KHDRBS3: variants seen among roughly 807,000 people sequenced by gnomAD.
KHDRBS3 encodes the protein KH RNA binding domain containing, signal transduction associated 3.
A neutral mutation model predicts 45.6 loss-of-function variants in KHDRBS3; 23 were observed. The ratio of observed to expected loss-of-function variants is 0.50; its 90% CI spans 0.36 to 0.72. The LOEUF (loss-of-function observed/expected upper bound fraction) is 0.72, where lower values mean the gene tolerates loss of function less well. Ranked by LOEUF, KHDRBS3 falls within the 30% of genes least tolerant of loss-of-function variation. The probability of loss-of-function intolerance (pLI) is 0.00; values close to 1 mark genes in which losing one functional copy is unlikely to be tolerated. For synonymous variants in KHDRBS3, 162 were observed against 156.5 expected, an observed-to-expected ratio of 1.04 and a Z score of -0.26; for missense variants, 352 against 424.8, an observed-to-expected ratio of 0.83 and a Z score of 1.51.
intron 1 of KHDRBS3, among the ~76,000 whole-genome samples, chr8:135,468,131 G>A (rs771554164): frequency 2.2e-4 from 34 of 151,998 alleles, no homozygotes; most frequent in Non-Finnish European, 2.8e-4. Context: ...TACTATCACC[G>A]TGTAAATTGA....
intron 1 of KHDRBS3, among the ~76,000 whole-genome samples, chr8:135,476,171 T>C (rs918502786): frequency 7.9e-5 from 12 of 152,054 alleles, no homozygotes; most frequent in Non-Finnish European, 1.6e-4. Flanking sequence ...TGAGATGGAG[T>C]CTTGCTCTGT....
At chr8:135,531,700 G>A (rs1218103450) in intron 2 of KHDRBS3, among the ~76,000 whole-genome samples, 1 of 152,128 alleles carries the variant, frequency 6.6e-6, no homozygotes, top group Non-Finnish European at 1.5e-5. Flanking sequence ...AATAATTATG[G>A]ATGAAATTAA....
At chr8:135,539,160 T>C (rs1180559971) in intron 2 of KHDRBS3, 1 of 152,244 alleles carries the variant, frequency 6.6e-6, no homozygotes, top group African/African-American at 2.4e-5. Flanking sequence ...ACATAGGCCT[T>C]TGCCCCTGAG....
intron 1 of KHDRBS3, among the ~76,000 whole-genome samples, chr8:135,496,025 A>T (rs562624680): frequency 7.3e-4 from 110 of 151,670 alleles, no homozygotes; most frequent in African/African-American, 2.5e-3. Context: ...CTAGGGAAGT[A>T]AAAGTAGACT....
In KHDRBS3 at chr8:135,518,915, ATTG is replaced by A. The variant is rs1824762979; in HGVS notation, c.89-2319_89-2317del. Among the ~76,000 whole-genome samples, 6 of 152,334 alleles carry A rather than the reference ATTG, an allele frequency of 3.9e-5. No homozygotes were observed. In the South Asian group the frequency reaches 1.2e-3, roughly 32 times the overall value. Reference sequence around the variant, plus strand: ...TTTATATCCTGTCATATTGTTTTAAATTGTTACCATGTTCATGTATTATTTTTA... The same window carrying A: ...TTTATATCCTGTCATATTGTTTTAAATTACCATGTTCATGTATTATTTTTA... On this transcript the variant is annotated intron_variant, in intron 1 of 8. Transcript: ENST00000355849.
chr8:135,549,988 A>G (rs1216739802), intron 4 of KHDRBS3: 1 of 152,192 alleles, frequency 6.6e-6, no homozygotes, highest in Non-Finnish European at 1.5e-5. Context: ...CAAAATTTCT[A>G]AGGGCTTACT....
At chr8:135,540,452 C>G (rs1336353138) in intron 2 of KHDRBS3, 1 of 152,178 alleles carries the variant, frequency 6.6e-6, no homozygotes, top group Admixed American at 6.5e-5. Flanking sequence ...AAGATGTTCT[C>G]ATCTTATAAA....
intron 2 of KHDRBS3, among the ~76,000 whole-genome samples, chr8:135,521,829 T>A (rs1343147555): frequency 6.6e-6 from 1 of 152,248 alleles, no homozygotes; most frequent in Non-Finnish European, 1.5e-5. Flanking sequence ...TGAATAATAA[T>A]CTGTTACCTG....
chr8:135,487,512 A>G (rs1822923353), intron 1 of KHDRBS3, among the ~76,000 whole-genome samples: 1 of 152,218 alleles, frequency 6.6e-6, no homozygotes, highest in Non-Finnish European at 1.5e-5. Flanking sequence ...AAATACATTA[A>G]GAGAATAAGG....
intron 5 of KHDRBS3, among the ~76,000 whole-genome samples, chr8:135,559,989 G>C (rs1359345774): frequency 6.6e-6 from 1 of 152,198 alleles, no homozygotes; most frequent in East Asian, 1.9e-4. Flanking sequence ...GCCAAGGCAA[G>C]AGGATTGTTT....
downstream of KHDRBS3, among the ~76,000 whole-genome samples, chr8:135,651,801 T>C (rs1831436815): frequency 1.3e-5 from 2 of 152,194 alleles, no homozygotes; most frequent in Non-Finnish European, 2.9e-5. Context: ...AAGTGAATGG[T>C]ATTGTCACTG....
chr8:135,538,653 A>T (rs1825894271), intron 2 of KHDRBS3: 1 of 152,226 alleles, frequency 6.6e-6, no homozygotes, highest in Non-Finnish European at 1.5e-5. Context: ...GTAAATGTGA[A>T]ACTGAAAACT....
intron 6 of KHDRBS3, among the ~76,000 whole-genome samples, chr8:135,606,745 T>C (rs1269062751): frequency 6.6e-6 from 1 of 152,232 alleles, no homozygotes; most frequent in Admixed American, 6.5e-5. Context: ...AAAATGGTGA[T>C]TCTGACCATT....
chr8:135,507,558 A>G (rs192896192), intron 1 of KHDRBS3, among the ~76,000 whole-genome samples: 2 of 152,242 alleles, frequency 1.3e-5, no homozygotes, highest in East Asian at 3.9e-4. Flanking sequence ...TTTTAACGAA[A>G]TCCCTACGTT....
At chr8:135,644,262 C>T (rs1028164199) in intron 7 of KHDRBS3, among the ~76,000 whole-genome samples, 3 of 152,188 alleles carry the variant, frequency 2.0e-5, no homozygotes, top group Non-Finnish European at 4.4e-5. Flanking sequence ...ACTCTTCCCT[C>T]TTGCTGTCAG....
intron 1 of KHDRBS3, chr8:135,459,042 C>G: frequency 2.3e-6 from 1 of 441,622 alleles, no homozygotes; most frequent in Non-Finnish European, 4.6e-6. Context: ...CTGGTCAGAT[C>G]TGTTACCTTT....
In KHDRBS3 at chr8:135,474,410, C is replaced by G. The variant is rs1586568173; in HGVS notation, c.88+16456C>G. Among the ~76,000 whole-genome samples the G allele has an allele frequency of 4.6e-5, 7 of 152,306 alleles. No homozygotes were observed. In the South Asian group the frequency reaches 1.5e-3, roughly 32 times the overall value. Reference sequence around the variant, plus strand: ...TGCCCAGTGGAAGTATGCAGTATGTCTTGTTTAGTTTCTAAGAATTCAGAC... The same window carrying G: ...TGCCCAGTGGAAGTATGCAGTATGTGTTGTTTAGTTTCTAAGAATTCAGAC... On this transcript the variant is annotated intron_variant, in intron 1 of 8. Coordinates refer to ENST00000355849, the MANE Select transcript of KHDRBS3 (RefSeq NM_006558.3).
chr8:135,569,850 T>A (rs1015133878), intron 5 of KHDRBS3, among the ~76,000 whole-genome samples: 3 of 152,000 alleles, frequency 2.0e-5, no homozygotes, highest in Non-Finnish European at 4.4e-5. Flanking sequence ...TGTTTCCTGT[T>A]CCCCCTTACC....
Position 135,486,890 on chromosome 8 carries a change from G to A in KHDRBS3, c.88+28936G>A, listed in dbSNP as rs576959800. 3.3e-5 allele frequency among the ~76,000 whole-genome samples: 5 copies of A among 152,292 alleles called. No homozygotes were observed. The East Asian group carries it at 9.7e-4, about 29-fold the overall frequency. ...CTTATTTTAAAACAATATATCTGATGAAAGATACGTGTTTAAAAGACCCTT... is the reference window on the plus strand; with the variant it reads ...CTTATTTTAAAACAATATATCTGATAAAAGATACGTGTTTAAAAGACCCTT... On this transcript the variant is annotated intron_variant, in intron 1 of 8. Transcript: ENST00000355849.
Sources: gnomAD v4.1 joint callset for allele counts (sites outside exome capture counted in the v4.1 genomes callset) on GRCh38, gnomAD v4.1.1 for gene constraint, MANE v1.5 for transcripts, NCBI Gene and HGNC (gene_info 2026-07-23, HGNC 2026-07-21) for gene names.